The following NAALADL2 variants were observed in gnomAD, a reference collection of about 807,000 sequenced individuals.
NAALADL2 encodes N-acetylated alpha-linked acidic dipeptidase like 2, also known as inactive N-acetylated-alpha-linked acidic dipeptidase-like protein 2.
In NAALADL2, 76 loss-of-function variants were observed where a neutral mutation model predicts 87.2. The observed-to-expected ratio is 0.87, with a 90% confidence interval of 0.72 to 1.05. The LOEUF is 1.05. Ranked by LOEUF, NAALADL2 falls within the 50% of genes least tolerant of loss-of-function variation. The pLI is 0.00. For missense variants in NAALADL2, 1,089 were observed against 945.8 expected (o/e 1.15, Z -1.99); for synonymous variants, 354 against 331.0 (o/e 1.07, Z -0.75).
At chr3:175,707,655 G>A (rs1335416320) in intron 11 of NAALADL2, among the ~76,000 whole-genome samples, 2 of 152,060 alleles carry the variant, frequency 1.3e-5, no homozygotes, top group Non-Finnish European at 2.9e-5. Flanking sequence ...ACACTGGGGA[G>A]AAATACGTTT....
chr3:175,125,854 G>C (rs1029862211), intron 2 of NAALADL2, among the ~76,000 whole-genome samples: 7 of 151,978 alleles, frequency 4.6e-5, no homozygotes, highest in Non-Finnish European at 8.8e-5. Flanking sequence ...ATTACCAAAA[G>C]AGTAAGTGTA....
chr3:174,966,088 T>C (rs927899807), intron 1 of NAALADL2, among the ~76,000 whole-genome samples: 1 of 152,170 alleles, frequency 6.6e-6, no homozygotes, highest in Non-Finnish European at 1.5e-5. Context: ...ACCAGATCAT[T>C]ATTACCATGT....
rs192798381 is a variant in NAALADL2, at chr3:175,145,419, C to T, written c.545+48128C>T. The stretch of plus-strand genomic sequence containing the variant: ...CACAAACATATATCTGTGTTAAGGA[C>T]GTTGAACAGATTGCCTTCAGAATTA... On this transcript the variant is annotated intron_variant, in intron 2 of 13. Coordinates refer to ENST00000454872, the MANE Select transcript of NAALADL2 (RefSeq NM_207015.3). Among the ~76,000 whole-genome samples, 7 of 152,188 alleles carry T rather than the reference C, an allele frequency of 4.6e-5. No homozygotes were observed. In the East Asian group the frequency reaches 7.7e-4, roughly 17 times the overall value.
intron 4 of NAALADL2, among the ~76,000 whole-genome samples, chr3:175,307,997 A>G (rs188607345): frequency 6.6e-6 from 1 of 151,158 alleles, no homozygotes; most frequent in Admixed American, 6.6e-5. Flanking sequence ...TGTGCACAGT[A>G]ACTTGTAAAG....
rs73043513 is a variant in NAALADL2 at position 174,877,116 on chromosome 3, A to C, written c.43+17666A>C. ...CTCAACCTTAAATACCATCACATTT[A>C]GTTTAGCCAGCTGAAACTGCTTAAA... On this transcript the variant is annotated intron_variant, in intron 1 of 13. Coordinates refer to ENST00000454872, the MANE Select transcript of NAALADL2 (RefSeq NM_207015.3). Among the ~76,000 whole-genome samples, 1,393 of 152,272 alleles carry C rather than the reference A, an allele frequency of 9.1e-3. 17 individuals are homozygous for C. Among genetic ancestry groups the C allele is most frequent in the African/African-American group, 0.032 (1,315 of 41,572 alleles).
intron 2 of NAALADL2, among the ~76,000 whole-genome samples, chr3:174,642,753 T>C (rs2861840): frequency 0.19 from 1,031 of 5,570 alleles, 24 homozygotes; most frequent in African/African-American, 0.32. Flanking sequence ...AAAAAACATA[T>C]ATATATATAT....
chr3:174,869,160 A>G (rs1228907526), intron 1 of NAALADL2, among the ~76,000 whole-genome samples: 3 of 152,298 alleles, frequency 2.0e-5, no homozygotes, highest in East Asian at 1.9e-4. Flanking sequence ...AAGGTGAGAC[A>G]TGAGAAAGAA....
At chr3:174,657,611 C>A (rs1435582491) in intron 2 of NAALADL2, among the ~76,000 whole-genome samples, 3 of 152,186 alleles carry the variant, frequency 2.0e-5, no homozygotes, top group Non-Finnish European at 4.4e-5. Flanking sequence ...TTCGTGACAA[C>A]TGTATCAGCG....
intron 2 of NAALADL2, among the ~76,000 whole-genome samples, chr3:175,189,972 G>T (rs995593214): frequency 1.7e-4 from 26 of 152,246 alleles, no homozygotes; most frequent in African/African-American, 6.3e-4. Flanking sequence ...TGCCAAGAAT[G>T]CACAGTGGAG....
chr3:174,570,712 A>C (rs1190619142), intron 2 of NAALADL2, among the ~76,000 whole-genome samples: 1 of 152,146 alleles, frequency 6.6e-6, no homozygotes, highest in Admixed American at 6.6e-5. Flanking sequence ...ATGGCTGTTC[A>C]AATCTGCTGT....
At chr3:175,234,337 C>T (rs911246262) in intron 3 of NAALADL2, 133 bp downstream of exon 3, 1 of 975,070 alleles carries the variant, frequency 1.0e-6, no homozygotes, top group African/African-American at 1.6e-5. Flanking sequence ...GTGGAAGTGC[C>T]AGGAAAGAGA....
rs1266742863 is a variant in NAALADL2 at position 175,074,906 on chromosome 3, G to A, written c.44-21884G>A. Among the ~76,000 whole-genome samples, 7 of 150,232 alleles carry A rather than the reference G, an allele frequency of 4.7e-5. No homozygotes were observed. In the East Asian group the frequency reaches 1.4e-3, roughly 29 times the overall value. ...AAAAGGAGGAGTAAGGAGATGAAGA[G>A]CAGAGAAGGAGAAGGAGGAGGAGGA... On this transcript the variant is annotated intron_variant, in intron 1 of 13. Coordinates refer to ENST00000454872, the MANE Select transcript of NAALADL2 (RefSeq NM_207015.3).
chr3:175,739,727 C>T (rs926602180), intron 12 of NAALADL2, among the ~76,000 whole-genome samples: 1 of 152,124 alleles, frequency 6.6e-6, no homozygotes, highest in Non-Finnish European at 1.5e-5. Context: ...CAAAAACAAA[C>T]AGCAGTTAGA....
chr3:175,553,082 ATATCCATGT>A (rs546163370), intron 9 of NAALADL2, among the ~76,000 whole-genome samples: 4 of 152,202 alleles, frequency 2.6e-5, no homozygotes, highest in Non-Finnish European at 5.9e-5. Flanking sequence ...AGCTTGTTAA[ATATCCATGT>A]TTATGCTTAT....
At chr3:174,732,577 AGGT>A (rs1732809362) in intron 2 of NAALADL2, among the ~76,000 whole-genome samples, 1 of 152,164 alleles carries the variant, frequency 6.6e-6, no homozygotes, top group East Asian at 1.9e-4. Flanking sequence ...AGAGGCTCAG[AGGT>A]GGATCAAAAT....
chr3:175,442,194 C>T lies in NAALADL2; in HGVS notation c.1091-5035C>T, dbSNP rs566770309. ...TCCTGACCTCAGGTGATCCACCCTCCTCGACCTCTCAAAGTGCTTGGATTA... is the reference window on the plus strand; with the variant it reads ...TCCTGACCTCAGGTGATCCACCCTCTTCGACCTCTCAAAGTGCTTGGATTA... On this transcript the variant is annotated intron_variant, in intron 5 of 13. Transcript: ENST00000454872. 2.7e-4 allele frequency among the ~76,000 whole-genome samples: 41 copies of T among 152,234 alleles called. 1 individual carries two copies. In the South Asian group the frequency reaches 7.9e-3, roughly 29 times the overall value.
chr3:174,820,849 A>G (rs1721343481), intron 3 of NAALADL2, among the ~76,000 whole-genome samples: 2 of 148,194 alleles, frequency 1.3e-5, no homozygotes, highest in African/African-American at 2.5e-5. Context: ...AAAAAAAAAC[A>G]TTTGTTCCTA....
At chr3:174,948,458 T>C (rs1219154775) in intron 1 of NAALADL2, among the ~76,000 whole-genome samples, 1 of 152,216 alleles carries the variant, frequency 6.6e-6, no homozygotes, top group Non-Finnish European at 1.5e-5. Context: ...ATTACAGGCG[T>C]GAGCCACCAC....
rs150977519 is a variant in NAALADL2, at chr3:175,219,889, C to A, written c.546-14042C>A. Among the ~76,000 whole-genome samples, 484 of 132,530 alleles carry A rather than the reference C, an allele frequency of 3.7e-3. 4 individuals are homozygous for A. Among genetic ancestry groups the A allele is most frequent in the African/African-American group, 0.014 (461 of 33,324 alleles). The allele number at this position is 132,530 out of a possible 152,430, so 86.9% of individuals were successfully genotyped here. On this transcript the variant is annotated intron_variant, in intron 2 of 13. Coordinates refer to ENST00000454872, the MANE Select transcript of NAALADL2 (RefSeq NM_207015.3). The stretch of plus-strand genomic sequence containing the variant: ...CTTTCTTTTTTTTTTTTTTGCCTAT[C>A]TTTCAACAAGTGTATTTGATATTTT...
Sources: gnomAD v4.1 joint callset for allele counts (sites outside exome capture counted in the v4.1 genomes callset) on GRCh38, gnomAD v4.1.1 for gene constraint, MANE v1.5 for transcripts, NCBI Gene and HGNC (gene_info 2026-07-23, HGNC 2026-07-21) for gene names.